The following NRG3 variants were observed in gnomAD, a reference collection of about 807,000 sequenced individuals.
NRG3 encodes neuregulin 3.
Under a neutral mutation model 66.9 loss-of-function variants are expected in NRG3, and 31 were observed. The ratio of observed to expected loss-of-function variants is 0.46; its 90% CI spans 0.35 to 0.63. NRG3 has a LOEUF of 0.63. NRG3 is among the 20% of genes least tolerant of loss of function. The probability of loss-of-function intolerance (pLI) is 0.00; values close to 1 mark genes in which losing one functional copy is unlikely to be tolerated. For synonymous variants in NRG3, 393 were observed against 359.4 expected, an observed-to-expected ratio of 1.09 and a Z score of -1.06; for missense variants, 910 against 878.9, an observed-to-expected ratio of 1.04 and a Z score of -0.45.
At chr10:82,085,391 A>G (rs2133453045) in intron 1 of NRG3, among the ~76,000 whole-genome samples, 1 of 152,182 alleles carries the variant, frequency 6.6e-6, no homozygotes, top group African/African-American at 2.4e-5. Context: ...AGAATTTCTG[A>G]GACTGAGTAA....
chr10:82,799,050 C>A (rs1439943847), intron 3 of NRG3, among the ~76,000 whole-genome samples: 2 of 152,166 alleles, frequency 1.3e-5, no homozygotes, highest in African/African-American at 4.8e-5. Flanking sequence ...ATTATTTAGA[C>A]AATATGTAGT....
chr10:81,943,064 T>A (rs1310145975), intron 1 of NRG3, among the ~76,000 whole-genome samples: 2 of 152,124 alleles, frequency 1.3e-5, no homozygotes, highest in African/African-American at 4.8e-5. Context: ...ACACTTTACA[T>A]CTCTTATTTA....
intron 1 of NRG3, among the ~76,000 whole-genome samples, chr10:82,071,264 A>C (rs146238870): frequency 7.2e-5 from 11 of 152,320 alleles, no homozygotes; most frequent in African/African-American, 2.6e-4. Context: ...ATTCAATGAC[A>C]ATGAGTAAAG....
intron 1 of NRG3, among the ~76,000 whole-genome samples, chr10:82,244,969 A>G (rs185174833): frequency 2.0e-5 from 3 of 152,204 alleles, no homozygotes; most frequent in Non-Finnish European, 4.4e-5. Flanking sequence ...CCTGAGCTCA[A>G]TCTGCCCTCC....
chr10:82,010,319 T>A (rs2061527713), intron 1 of NRG3, among the ~76,000 whole-genome samples: 1 of 152,166 alleles, frequency 6.6e-6, no homozygotes, highest in Admixed American at 6.6e-5. Context: ...AAAGGGGCCG[T>A]CTCTCCCTCT....
rs186394969 is a variant in NRG3 at position 82,001,909 on chromosome 10, G to T, written c.823+125746G>T. Among the ~76,000 whole-genome samples, 333 of 152,246 alleles carry T rather than the reference G, an allele frequency of 2.2e-3. 1 individual carries two copies. Among genetic ancestry groups the T allele is most frequent in the Middle Eastern group, 6.8e-3 (2 of 292 alleles). On this transcript the variant is annotated intron_variant, in intron 1 of 8. Coordinates refer to ENST00000372141, the MANE Select transcript of NRG3 (RefSeq NM_001010848.4). ...CTCCTCTGGTTTTAGAAACAGGTTA[G>T]GATCACAAAATCATGATACAACTAA...
At chr10:82,729,367 A>G (rs1443688859) in intron 2 of NRG3, among the ~76,000 whole-genome samples, 2 of 152,160 alleles carry the variant, frequency 1.3e-5, no homozygotes, top group Non-Finnish European at 2.9e-5. Flanking sequence ...CTCTGGTATG[A>G]TATTAAAATT....
At chr10:82,270,836 G>A (rs1307362405) in intron 1 of NRG3, among the ~76,000 whole-genome samples, 1 of 152,042 alleles carries the variant, frequency 6.6e-6, no homozygotes, top group Non-Finnish European at 1.5e-5. Context: ...TGTCTCTTAC[G>A]CCATGGAGTA....
chr10:82,204,560 G>T (rs1229179191), intron 1 of NRG3, among the ~76,000 whole-genome samples: 3 of 152,150 alleles, frequency 2.0e-5, no homozygotes, highest in Non-Finnish European at 4.4e-5. Context: ...CAGTCAAGTG[G>T]CATTCGCTGT....
chr10:82,432,669 G>A (rs1208226663), intron 2 of NRG3, among the ~76,000 whole-genome samples: 1 of 151,990 alleles, frequency 6.6e-6, no homozygotes, highest in Non-Finnish European at 1.5e-5. Flanking sequence ...CTGTGTCCAT[G>A]TGTTCTCAAG....
chr10:81,978,712 T>A (rs1347328981), intron 1 of NRG3, among the ~76,000 whole-genome samples: 1 of 151,936 alleles, frequency 6.6e-6, no homozygotes, highest in Non-Finnish European at 1.5e-5. Context: ...TATATTTGCA[T>A]CTTTCTTTTT....
chr10:82,768,554 A>C (rs2059602483), intron 3 of NRG3, among the ~76,000 whole-genome samples: 1 of 152,076 alleles, frequency 6.6e-6, no homozygotes. Flanking sequence ...TTAATAACCC[A>C]CCTAGCACCA....
At chr10:82,020,145 A>C (rs527617954) in intron 1 of NRG3, among the ~76,000 whole-genome samples, 3 of 152,146 alleles carry the variant, frequency 2.0e-5, no homozygotes, top group African/African-American at 7.2e-5. Flanking sequence ...CATTTTAGAA[A>C]ATGCCAGGTT....
chr10:82,721,427 C>T (rs190722193), intron 2 of NRG3, among the ~76,000 whole-genome samples: 6 of 151,142 alleles, frequency 4.0e-5, no homozygotes, highest in Admixed American at 3.3e-4. Context: ...CGTGAGCCAC[C>T]GCGCCCGGCC....
At chr10:82,744,056 A>G (rs1229806305) in intron 3 of NRG3, among the ~76,000 whole-genome samples, 2 of 152,152 alleles carry the variant, frequency 1.3e-5, no homozygotes, top group African/African-American at 2.4e-5. Context: ...GAACAATTCC[A>G]TGGGCATCCA....
intron 2 of NRG3, among the ~76,000 whole-genome samples, chr10:82,496,323 G>A (rs1029121757): frequency 6.6e-6 from 1 of 152,170 alleles, no homozygotes; most frequent in Non-Finnish European, 1.5e-5. Flanking sequence ...TATTTCATAA[G>A]CCTAGTAATA....
At chr10:82,018,195 C>G (rs1011544446) in intron 1 of NRG3, among the ~76,000 whole-genome samples, 1 of 152,096 alleles carries the variant, frequency 6.6e-6, no homozygotes, top group Non-Finnish European at 1.5e-5. Context: ...ATAGGGAATC[C>G]TTTCCCCATT....
chr10:81,904,004 T>TG (rs1564645509), intron 1 of NRG3, among the ~76,000 whole-genome samples: 15 of 149,118 alleles, frequency 1.0e-4, no homozygotes, highest in African/African-American at 3.7e-4. Flanking sequence ...ATATTTTTTT[T>TG]TTTTGTTTGT....
chr10:82,006,448 T>C (rs2061379121), intron 1 of NRG3, among the ~76,000 whole-genome samples: 1 of 152,158 alleles, frequency 6.6e-6, no homozygotes, highest in African/African-American at 2.4e-5. Flanking sequence ...TATAAAAGGT[T>C]TCAGTATTAA....
Sources: allele counts gnomAD v4.1 joint callset (sites outside exome capture counted in the v4.1 genomes callset), GRCh38; gene constraint gnomAD v4.1.1; transcripts MANE v1.5; gene names NCBI Gene and HGNC (gene_info 2026-07-23, HGNC 2026-07-21).